The following CTNND2 variants were observed in gnomAD, a reference collection of about 807,000 sequenced individuals.
CTNND2 encodes the protein catenin delta 2.
Under a neutral mutation model 144.4 loss-of-function variants are expected in CTNND2, and 22 were observed. The ratio of observed to expected loss-of-function variants is 0.15; its 90% CI spans 0.11 to 0.22. The LOEUF (loss-of-function observed/expected upper bound fraction) is 0.22. CTNND2 is among the 10% of genes least tolerant of loss of function. The probability of loss-of-function intolerance (pLI) is 1.00; values close to 1 mark genes in which losing one functional copy is unlikely to be tolerated. For synonymous variants in CTNND2, 751 were observed against 695.6 expected (o/e 1.08, Z -1.25); for missense variants, 1,353 against 1,618.8 (o/e 0.84, Z 2.82).
intron 17 of CTNND2, among the ~76,000 whole-genome samples, chr5:11,022,052 G>A (rs551016446): frequency 6.6e-6 from 1 of 152,168 alleles, no homozygotes; most frequent in African/African-American, 2.4e-5. Flanking sequence ...AAACTAGGAG[G>A]CATTCTTATT....
intron 2 of CTNND2, among the ~76,000 whole-genome samples, chr5:11,618,973 T>A (rs940988897): frequency 2.0e-5 from 3 of 152,196 alleles, no homozygotes; most frequent in East Asian, 1.9e-4. Flanking sequence ...TTGGAACTTG[T>A]GTGAATTCAA....
chr5:11,836,730 C>T (rs567487359), intron 1 of CTNND2, among the ~76,000 whole-genome samples: 14 of 152,066 alleles, frequency 9.2e-5, no homozygotes, highest in African/African-American at 2.7e-4. Flanking sequence ...TTTAAAGTAG[C>T]CTATTTCTTT....
At chr5:11,004,441 A>G (rs1740267196) in intron 18 of CTNND2, among the ~76,000 whole-genome samples, 1 of 152,186 alleles carries the variant, frequency 6.6e-6, no homozygotes, top group Admixed American at 6.5e-5. Flanking sequence ...TCTCAACTTC[A>G]AGTTCTCTAT....
rs575391232 is a variant in CTNND2 at position 11,698,208 on chromosome 5, C to G, written c.174+33928G>C. 2.6e-5 allele frequency among the ~76,000 whole-genome samples: 4 copies of G among 152,264 alleles called. No individual in the cohort carries two copies. In the South Asian group the frequency reaches 6.2e-4, roughly 24 times the overall value. On this transcript the variant is annotated intron_variant, in intron 2 of 21. Transcript: ENST00000304623. ...AGTTCAAAAGCTCCCAAACAATACTCCCCAACCAAGCCCTCCATGAAATCT... is the reference window on the plus strand; with the variant it reads ...AGTTCAAAAGCTCCCAAACAATACTGCCCAACCAAGCCCTCCATGAAATCT...
intron 1 of CTNND2, among the ~76,000 whole-genome samples, chr5:11,858,781 T>C (rs973342937): frequency 6.6e-6 from 1 of 152,044 alleles, no homozygotes; most frequent in Non-Finnish European, 1.5e-5. Flanking sequence ...TACAAAAAAT[T>C]AGCTGGGCAT....
chr5:11,251,627 A>C (rs1743667316), intron 9 of CTNND2, among the ~76,000 whole-genome samples: 1 of 152,198 alleles, frequency 6.6e-6, no homozygotes. Context: ...TATAGTTTGG[A>C]AACAGAGCAA....
intron 1 of CTNND2, among the ~76,000 whole-genome samples, chr5:11,858,703 G>A (rs990067837): frequency 3.9e-5 from 6 of 152,220 alleles, no homozygotes; most frequent in Non-Finnish European, 7.3e-5. Flanking sequence ...GCTGAGGTGG[G>A]TGGATCACGA....
intron 9 of CTNND2, among the ~76,000 whole-genome samples, chr5:11,251,359 A>G (rs942481676): frequency 4.6e-5 from 7 of 152,158 alleles, no homozygotes; most frequent in African/African-American, 1.4e-4. Flanking sequence ...CAAAACTTGG[A>G]AGCAGACAAT....
chr5:11,582,850 A>T (rs1778543592), intron 2 of CTNND2, among the ~76,000 whole-genome samples: 1 of 152,138 alleles, frequency 6.6e-6, no homozygotes, highest in Non-Finnish European at 1.5e-5. Flanking sequence ...AGAATCATAC[A>T]ATTAGAATGC....
At chr5:11,439,740 ATATCTATC>A (rs57368706) in intron 3 of CTNND2, among the ~76,000 whole-genome samples, 26,954 of 145,956 alleles carry the variant, frequency 0.18, 2,550 homozygotes, top group Middle Eastern at 0.23. Context: ...TCTGCTAGCT[ATATCTATC>A]TATCTATCTA....
At chr5:11,779,613 T>A (rs1725190005) in intron 1 of CTNND2, among the ~76,000 whole-genome samples, 1 of 152,202 alleles carries the variant, frequency 6.6e-6, no homozygotes, top group Non-Finnish European at 1.5e-5. Context: ...GATCAGCTGG[T>A]ATTACAGCTT....
chr5:11,574,581 C>T (rs1447191265), intron 2 of CTNND2, among the ~76,000 whole-genome samples: 1 of 152,118 alleles, frequency 6.6e-6, no homozygotes, highest in Admixed American at 6.5e-5. Flanking sequence ...GTTTTCCTCG[C>T]CTGCCTGGAA....
At chr5:11,271,678 C>T (rs953606597) in intron 9 of CTNND2, among the ~76,000 whole-genome samples, 4 of 152,230 alleles carry the variant, frequency 2.6e-5, no homozygotes, top group Admixed American at 6.5e-5. Context: ...TTAGATGATA[C>T]GCTGCAAAGG....
At chr5:11,884,953 A>G (rs1736410526) in intron 1 of CTNND2, among the ~76,000 whole-genome samples, 1 of 151,838 alleles carries the variant, frequency 6.6e-6, no homozygotes, top group Non-Finnish European at 1.5e-5. Flanking sequence ...GATGTGATGT[A>G]CCATAATTAA....
intron 9 of CTNND2, among the ~76,000 whole-genome samples, chr5:11,313,392 A>C (rs952962956): frequency 1.3e-5 from 2 of 152,164 alleles, no homozygotes; most frequent in African/African-American, 4.8e-5. Context: ...TCTGACTTCC[A>C]GTCCCGAGAT....
intron 3 of CTNND2, among the ~76,000 whole-genome samples, chr5:11,440,115 C>A (rs1437014566): frequency 6.6e-6 from 1 of 152,130 alleles, no homozygotes; most frequent in Non-Finnish European, 1.5e-5. Context: ...ACTTCTAACC[C>A]AGAAGATCTC....
At chr5:11,692,940 GGTATGTGAC>G (rs1375368183) in intron 2 of CTNND2, among the ~76,000 whole-genome samples, 3 of 152,122 alleles carry the variant, frequency 2.0e-5, no homozygotes, top group Non-Finnish European at 4.4e-5. Context: ...GTCTCACTGA[GGTATGTGAC>G]AAAAATCTCT....
intron 1 of CTNND2, among the ~76,000 whole-genome samples, chr5:11,871,016 G>A (rs1347085735): frequency 6.6e-6 from 1 of 152,128 alleles, no homozygotes; most frequent in African/African-American, 2.4e-5. Flanking sequence ...ATTAGGTTTA[G>A]GTAAGGTCAT....
chr5:11,111,658 C>T (rs1458265071), intron 13 of CTNND2, among the ~76,000 whole-genome samples: 2 of 152,118 alleles, frequency 1.3e-5, no homozygotes, highest in East Asian at 3.9e-4. Flanking sequence ...GTTGTGGAGC[C>T]AGACACCTGT....
Sources: gnomAD v4.1 joint callset for allele counts (sites outside exome capture counted in the v4.1 genomes callset) on GRCh38, gnomAD v4.1.1 for gene constraint, MANE v1.5 for transcripts, NCBI Gene and HGNC (gene_info 2026-07-23, HGNC 2026-07-21) for gene names.